The following ADAM22 variants were observed in gnomAD, a reference collection of about 807,000 sequenced individuals.
ADAM22 encodes the protein ADAM metallopeptidase domain 22.
In ADAM22, 65 loss-of-function variants were observed where a neutral mutation model predicts 144.6. That is an observed-to-expected ratio of 0.45 (90% CI 0.37 to 0.55). The LOEUF is 0.55. Ranked by LOEUF, ADAM22 falls within the 20% of genes least tolerant of loss-of-function variation. The pLI is 0.00. For missense variants in ADAM22, 974 were observed against 1,184.9 expected, an observed-to-expected ratio of 0.82 and a Z score of 2.61; for synonymous variants, 391 against 412.6, an observed-to-expected ratio of 0.95 and a Z score of 0.63.
chr7:88,098,816 C>T (rs917496029), intron 4 of ADAM22, among the ~76,000 whole-genome samples: 8 of 152,076 alleles, frequency 5.3e-5, no homozygotes, highest in African/African-American at 4.8e-5. Flanking sequence ...TTCATCGGCT[C>T]GTTTTATTTC....
intron 4 of ADAM22, among the ~76,000 whole-genome samples, chr7:88,078,198 T>A (rs544059232): frequency 1.3e-3 from 204 of 152,226 alleles, no homozygotes; most frequent in Non-Finnish European, 2.3e-3. Context: ...TTCCCCAATA[T>A]CCACTTTTCT....
intron 17 of ADAM22, among the ~76,000 whole-genome samples, chr7:88,145,748 C>T (rs912404635): frequency 4.6e-5 from 7 of 152,140 alleles, no homozygotes; most frequent in Non-Finnish European, 8.8e-5. Context: ...CAAGGTCTTA[C>T]ACCAAGTAAG....
chr7:87,970,274 G>C (rs1850121182), intron 2 of ADAM22, among the ~76,000 whole-genome samples: 1 of 152,072 alleles, frequency 6.6e-6, no homozygotes, highest in Non-Finnish European at 1.5e-5. Flanking sequence ...TTAAACTGAA[G>C]ATGTTAGACT....
chr7:88,076,146 T>G (rs1205333655), intron 4 of ADAM22, among the ~76,000 whole-genome samples: 2 of 152,170 alleles, frequency 1.3e-5, no homozygotes, highest in African/African-American at 4.8e-5. Context: ...CAAGTGATTC[T>G]CCTGCCTCAG....
intron 2 of ADAM22, among the ~76,000 whole-genome samples, chr7:87,969,636 T>C (rs896595162): frequency 1.2e-4 from 19 of 152,322 alleles, no homozygotes; most frequent in Middle Eastern, 3.4e-3. Context: ...GGACTTTCAG[T>C]TCAGAAACAT....
chr7:87,993,766 T>C (rs1277042455), intron 3 of ADAM22, among the ~76,000 whole-genome samples: 1 of 152,244 alleles, frequency 6.6e-6, no homozygotes. Flanking sequence ...AGAGATCTTC[T>C]TGCCTCTTTG....
intron 2 of ADAM22, among the ~76,000 whole-genome samples, chr7:87,975,592 T>C (rs961273556): frequency 1.3e-5 from 2 of 152,188 alleles, no homozygotes; most frequent in South Asian, 2.1e-4. Flanking sequence ...GAGTTTCTCA[T>C]TGGGACATAA....
chr7:87,963,989 AT>A (rs1220892428), intron 2 of ADAM22, among the ~76,000 whole-genome samples: 2 of 152,058 alleles, frequency 1.3e-5, no homozygotes, highest in Admixed American at 1.3e-4. Context: ...ATTAATATAT[AT>A]TTTTTCTTGT....
chr7:87,977,065 G>A (rs1852068656), intron 2 of ADAM22, among the ~76,000 whole-genome samples: 1 of 152,078 alleles, frequency 6.6e-6, no homozygotes, highest in Non-Finnish European at 1.5e-5. Context: ...AGAGTTAAGA[G>A]TTATAGTTGA....
At chr7:88,180,396 GTTC>G (rs1052969330) in intron 27 of ADAM22, among the ~76,000 whole-genome samples, 23 of 152,074 alleles carry the variant, frequency 1.5e-4, no homozygotes, top group African/African-American at 5.3e-4. Context: ...AATTTCTGTT[GTTC>G]TTTTGTACAA....
At chr7:88,069,673 C>T (rs1216601995) in intron 3 of ADAM22, among the ~76,000 whole-genome samples, 1 of 152,166 alleles carries the variant, frequency 6.6e-6, no homozygotes, top group Admixed American at 6.5e-5. Context: ...ATGCAAGGTT[C>T]AGGTTCTCAT....
intron 14 of ADAM22, among the ~76,000 whole-genome samples, chr7:88,140,206 C>T (rs1019833927): frequency 6.6e-6 from 1 of 152,094 alleles, no homozygotes. Context: ...CATTAGACCC[C>T]ACTCTCAACA....
intron 5 of ADAM22, among the ~76,000 whole-genome samples, chr7:88,112,559 A>T (rs1228374197): frequency 1.3e-5 from 2 of 152,170 alleles, no homozygotes; most frequent in African/African-American, 2.4e-5. Flanking sequence ...AAAGGGCCTG[A>T]TCTCAGTAAA....
At chr7:88,155,233 A>G (rs577843996) in intron 21 of ADAM22, among the ~76,000 whole-genome samples, 1 of 152,240 alleles carries the variant, frequency 6.6e-6, no homozygotes, top group Admixed American at 6.5e-5. Context: ...ACCAATTAAA[A>G]AAAAAATTGT....
chr7:88,171,554 G>C lies in ADAM22; in HGVS notation c.2293G>C (p.Glu765Gln), dbSNP rs748636531. 6.3e-7 allele frequency: 1 copy of C among 1,589,004 alleles called. No homozygotes were observed. Among genetic ancestry groups the C allele is most frequent in the Non-Finnish European group, 8.5e-7 (1 of 1,170,796 alleles). The part of the protein sequence containing the change: ...ITAWGYKNYR[E>Q]QRQLPQGDYV... ...CTTGTCCATGAAAAGAAACTATCGA[G>C]AACAGAGGTATGTAATACAAATAAT... The change falls in exon 26 of 32, where the codon GAA becomes CAA. Residue 765 changes from glutamate to glutamine, a missense_variant. By Grantham distance (29) the Glu-to-Gln change is conservative (BLOSUM62 2). Transcript: ENST00000413139.
At chr7:87,969,985 T>C (rs575411519) in intron 2 of ADAM22, among the ~76,000 whole-genome samples, 1 of 152,336 alleles carries the variant, frequency 6.6e-6, no homozygotes, top group East Asian at 1.9e-4. Flanking sequence ...CTTACATTTA[T>C]CATACCAATT....
rs1343517314 is a variant in ADAM22 at position 88,199,217 on chromosome 7, T to C, written c.*2726T>C. ...TGAGGCCGTATCACAGTTTATATCA[T>C]GCAACTAATATTTATATTTCCCAAT... On this transcript the variant is annotated 3_prime_UTR_variant, in exon 32 of 32. Coordinates refer to ENST00000413139, the MANE Select transcript of ADAM22 (RefSeq NM_001324418.2). The C allele has an allele frequency of 6.6e-6, 1 of 152,244 alleles. No homozygotes were observed. The highest frequency in any genetic ancestry group is 1.5e-5 in the Non-Finnish European group (1 of 68,040). 9.4% of individuals were successfully genotyped at this position (152,244 alleles called of 1,614,324 possible).
At chr7:87,999,513 C>T (rs1054830960) in intron 3 of ADAM22, among the ~76,000 whole-genome samples, 1 of 152,140 alleles carries the variant, frequency 6.6e-6, no homozygotes, top group Non-Finnish European at 1.5e-5. Flanking sequence ...CTCTATTCAT[C>T]GAAGAATGGT....
chr7:88,017,230 G>A (rs1796731649), intron 3 of ADAM22, among the ~76,000 whole-genome samples: 1 of 152,068 alleles, frequency 6.6e-6, no homozygotes, highest in African/African-American at 2.4e-5. Context: ...TATATTTAAC[G>A]ATAATTTATT....
Sources: allele counts gnomAD v4.1 joint callset (sites outside exome capture counted in the v4.1 genomes callset), GRCh38; gene constraint gnomAD v4.1.1; transcripts MANE v1.5; gene names NCBI Gene and HGNC (gene_info 2026-07-23, HGNC 2026-07-21).